The following PDE11A variants were observed in gnomAD, a reference collection of about 807,000 sequenced individuals.
PDE11A encodes the protein dual 3',5'-cyclic-AMP and -GMP phosphodiesterase 11A.
In PDE11A, 100 loss-of-function variants were observed where a neutral mutation model predicts 100.5. The observed-to-expected ratio is 1.00, with a 90% CI of 0.85 to 1.18. The LOEUF is 1.18. PDE11A is among the 50% of genes most tolerant of loss of function. PDE11A has a pLI of 0.00. For synonymous variants in PDE11A, 381 were observed against 420.8 expected, an observed-to-expected ratio of 0.91 and a Z score of 1.16; for missense variants, 1,141 against 1,152.6, an observed-to-expected ratio of 0.99 and a Z score of 0.15.
chr2:178,099,205 C>G (rs370211872), intron 2 of PDE11A, among the ~76,000 whole-genome samples: 3 of 152,034 alleles, frequency 2.0e-5, no homozygotes, highest in Non-Finnish European at 2.9e-5. Flanking sequence ...GCGGGCAGAT[C>G]ACTTGAGGCC....
intron 18 of PDE11A, among the ~76,000 whole-genome samples, chr2:177,665,713 T>G (rs2080565577): frequency 2.0e-5 from 3 of 146,462 alleles, no homozygotes; most frequent in Non-Finnish European, 3.0e-5. Context: ...AAAAATTAGC[T>G]GGGTGTGGTG....
chr2:177,663,745 C>G, intron 19 of PDE11A, 121 bp downstream of exon 19: 1 of 719,556 alleles, frequency 1.4e-6, no homozygotes, highest in Non-Finnish European at 2.5e-6. Context: ...CAAACTGCAG[C>G]CAGAGCTCTC....
intron 2 of PDE11A, among the ~76,000 whole-genome samples, chr2:177,986,653 A>G (rs775781304): frequency 2.0e-5 from 3 of 152,016 alleles, no homozygotes; most frequent in African/African-American, 4.8e-5. Context: ...AACATGCTGA[A>G]ACCCTGTCTC....
chr2:177,633,858 C>T (rs2079992287), intron 19 of PDE11A, among the ~76,000 whole-genome samples: 1 of 152,146 alleles, frequency 6.6e-6, no homozygotes, highest in Non-Finnish European at 1.5e-5. Context: ...AAAAGCATTT[C>T]TCCAGAACTT....
At chr2:178,041,458 G>C (rs1475798857) in intron 1 of PDE11A, among the ~76,000 whole-genome samples, 1 of 151,220 alleles carries the variant, frequency 6.6e-6, no homozygotes, top group South Asian at 2.1e-4. Context: ...TGGTCAGGCT[G>C]GTCTCGAACT....
intron 10 of PDE11A, among the ~76,000 whole-genome samples, chr2:177,761,153 C>T (rs1235512536): frequency 6.6e-6 from 1 of 152,072 alleles, no homozygotes; most frequent in Non-Finnish European, 1.5e-5. Flanking sequence ...CTTTTGCCTC[C>T]AGCGGGGAAG....
At chr2:177,775,393 G>C (rs761084341) in intron 9 of PDE11A, among the ~76,000 whole-genome samples, 11 of 152,180 alleles carry the variant, frequency 7.2e-5, no homozygotes, top group Non-Finnish European at 1.5e-4. Flanking sequence ...ACATCAGCCA[G>C]AGTGATCTTT....
Position 178,089,709 on chromosome 2 carries a change from T to C in PDE11A, c.162+14593A>G, listed in dbSNP as rs556876237. On this transcript the variant is annotated intron_variant, in intron 2 of 20. Transcript: ENST00000358450. ...AGTCTGGTCAAACGATCTTTGTTAA[T>C]GGCTCTGCATCTGGTGATGGGCCTA... Among the ~76,000 whole-genome samples, 10 of 152,342 alleles carry C rather than the reference T, an allele frequency of 6.6e-5. No homozygotes were observed. In the East Asian group the frequency reaches 1.2e-3, roughly 18 times the overall value.
intron 2 of PDE11A, among the ~76,000 whole-genome samples, chr2:177,961,623 C>T (rs1298635957): frequency 1.3e-5 from 2 of 151,786 alleles, no homozygotes; most frequent in Non-Finnish European, 2.9e-5. Context: ...ATACATACTA[C>T]CTGTTATGTT....
chr2:178,020,754 C>T (rs1574346643), intron 1 of PDE11A, among the ~76,000 whole-genome samples: 3 of 151,968 alleles, frequency 2.0e-5, no homozygotes, highest in South Asian at 4.2e-4. Context: ...GCCAAGATTG[C>T]GCCACTGCAC....
intron 19 of PDE11A, among the ~76,000 whole-genome samples, chr2:177,651,080 A>G (rs1366800184): frequency 1.3e-5 from 2 of 152,208 alleles, no homozygotes; most frequent in East Asian, 3.8e-4. Flanking sequence ...ATCTGAAATA[A>G]AAAGATCCTC....
chr2:178,037,411 ACAC>A (rs1425508324), intron 1 of PDE11A, among the ~76,000 whole-genome samples: 3 of 152,224 alleles, frequency 2.0e-5, no homozygotes, highest in African/African-American at 7.2e-5. Flanking sequence ...AAACACGTTT[ACAC>A]CATTGGTGGG....
chr2:178,067,030 A>C (rs2087056339), intron 1 of PDE11A, among the ~76,000 whole-genome samples: 1 of 152,116 alleles, frequency 6.6e-6, no homozygotes. Flanking sequence ...GGATAAAGGC[A>C]TCACACTTCC....
intron 5 of PDE11A, among the ~76,000 whole-genome samples, chr2:177,854,698 T>C (rs1023046078): frequency 2.0e-5 from 3 of 152,118 alleles, no homozygotes; most frequent in South Asian, 2.1e-4. Flanking sequence ...GGTAACTTTG[T>C]AACAATGAAG....
intron 1 of PDE11A, among the ~76,000 whole-genome samples, chr2:178,043,190 T>G (rs1440608797): frequency 6.6e-6 from 1 of 152,202 alleles, no homozygotes; most frequent in African/African-American, 2.4e-5. Flanking sequence ...TGTACATTTT[T>G]AATAAGAATC....
chr2:177,664,706 G>A (rs57425089), intron 18 of PDE11A, among the ~76,000 whole-genome samples: 1 of 152,142 alleles, frequency 6.6e-6, no homozygotes, highest in Non-Finnish European at 1.5e-5. Context: ...CAGTGAGACT[G>A]TCTCTCCCTT....
At chr2:177,825,822 C>A (rs1018806983) in intron 6 of PDE11A, among the ~76,000 whole-genome samples, 2 of 152,186 alleles carry the variant, frequency 1.3e-5, no homozygotes, top group African/African-American at 4.8e-5. Flanking sequence ...ATATTTATCT[C>A]CTGCACACCA....
chr2:177,996,560 C>T (rs1225176451), intron 2 of PDE11A, among the ~76,000 whole-genome samples: 4 of 151,104 alleles, frequency 2.6e-5, no homozygotes, highest in African/African-American at 4.9e-5. Flanking sequence ...AGTAAGGGTC[C>T]GTATTCAAAA....
At chr2:178,070,472 A>G (rs1001607252) in intron 1 of PDE11A, among the ~76,000 whole-genome samples, 2 of 152,204 alleles carry the variant, frequency 1.3e-5, no homozygotes, top group Non-Finnish European at 2.9e-5. Flanking sequence ...TAGCTCCCTG[A>G]GACCACTGGA....
Sources: allele counts gnomAD v4.1 joint callset (sites outside exome capture counted in the v4.1 genomes callset), GRCh38; gene constraint gnomAD v4.1.1; transcripts MANE v1.5; gene names NCBI Gene and HGNC (gene_info 2026-07-23, HGNC 2026-07-21).